ITGA9: variants seen among roughly 807,000 people sequenced by gnomAD.
ITGA9 encodes integrin subunit alpha 9.
Under a neutral mutation model 127.8 loss-of-function variants are expected in ITGA9, and 56 were observed. The ratio of observed to expected loss-of-function variants is 0.44; its 90% CI spans 0.35 to 0.55. The LOEUF (loss-of-function observed/expected upper bound fraction) is 0.55, where lower values mean the gene tolerates loss of function less well. ITGA9 is among the 20% of genes least tolerant of loss of function. The pLI, the probability that ITGA9 is intolerant of heterozygous loss-of-function variation, is 0.00. For missense variants in ITGA9, 1,196 were observed against 1,347.1 expected, an observed-to-expected ratio of 0.89 and a Z score of 1.76; for synonymous variants, 508 against 514.5, an observed-to-expected ratio of 0.99 and a Z score of 0.17.
chr3:37,560,024 C>T (rs1209018406), intron 15 of ITGA9, among the ~76,000 whole-genome samples: 1 of 152,154 alleles, frequency 6.6e-6, no homozygotes, highest in Non-Finnish European at 1.5e-5. Context: ...CATAGGTATA[C>T]ATGTGCCATG....
chr3:37,525,835 C>T (rs781201289), intron 12 of ITGA9, among the ~76,000 whole-genome samples, 191 bp from the exon 13 acceptor site: 4 of 152,174 alleles, frequency 2.6e-5, no homozygotes, highest in South Asian at 4.2e-4. Context: ...CAGTAGCCTG[C>T]GTAGGGATTG....
At chr3:37,501,404 T>C (rs947666518) in intron 5 of ITGA9, among the ~76,000 whole-genome samples, 1 of 152,226 alleles carries the variant, frequency 6.6e-6, no homozygotes, top group Non-Finnish European at 1.5e-5. Flanking sequence ...ATCACTGTTC[T>C]GGAATTTTAA....
chr3:37,609,869 T>C lies in ITGA9; in HGVS notation c.1690-19318T>C, dbSNP rs554179023. Among the ~76,000 whole-genome samples, 5 of 152,308 alleles carry C rather than the reference T, an allele frequency of 3.3e-5. No individual in the cohort carries two copies. The South Asian group carries it at 8.3e-4, about 25-fold the overall frequency. ...GAGACCCCCAGCATTCTCTTCAAGGTTGGGGAATTGGACCCTACATTTGAT... is the reference window on the plus strand; with the variant it reads ...GAGACCCCCAGCATTCTCTTCAAGGCTGGGGAATTGGACCCTACATTTGAT... On this transcript the variant is annotated intron_variant, in intron 15 of 27. Coordinates refer to ENST00000264741, the MANE Select transcript of ITGA9 (RefSeq NM_002207.3).
intron 17 of ITGA9, among the ~76,000 whole-genome samples, chr3:37,666,665 GA>G (rs553628341): frequency 6.6e-6 from 1 of 152,326 alleles, no homozygotes; most frequent in South Asian, 2.1e-4. Flanking sequence ...CCTAGTTCCA[GA>G]GCAAATATAT....
intron 8 of ITGA9, among the ~76,000 whole-genome samples, chr3:37,511,885 A>G (rs184197677): frequency 6.6e-6 from 1 of 152,322 alleles, no homozygotes; most frequent in African/African-American, 2.4e-5. Context: ...CAACAGTAAA[A>G]GAAAAGGCTT....
chr3:37,676,058 C>A (rs957378820), intron 17 of ITGA9, among the ~76,000 whole-genome samples: 3 of 152,146 alleles, frequency 2.0e-5, no homozygotes, highest in African/African-American at 7.2e-5. Context: ...TATTTACTTT[C>A]ATTTTTACCC....
intron 25 of ITGA9, among the ~76,000 whole-genome samples, chr3:37,783,066 G>A (rs777567140): frequency 2.6e-5 from 4 of 152,088 alleles, no homozygotes; most frequent in Non-Finnish European, 5.9e-5. Flanking sequence ...TTGAACCTGG[G>A]AGGTGGAGGT....
chr3:37,769,355 A>G (rs1451753098), intron 23 of ITGA9, among the ~76,000 whole-genome samples: 2 of 151,724 alleles, frequency 1.3e-5, no homozygotes, highest in Admixed American at 1.3e-4. Context: ...AAAAAAAAAA[A>G]AGCTAAAAAT....
intron 10 of ITGA9, 63 bp from the exon 11 acceptor site, chr3:37,519,197 A>T: frequency 8.1e-7 from 1 of 1,229,386 alleles, no homozygotes; most frequent in South Asian, 1.3e-5. Flanking sequence ...AACCAGAATT[A>T]GGGAAGCTGC....
chr3:37,612,026 C>G (rs1237466154), intron 15 of ITGA9, among the ~76,000 whole-genome samples: 2 of 151,930 alleles, frequency 1.3e-5, no homozygotes, highest in Non-Finnish European at 2.9e-5. Context: ...CAGCCCAGGC[C>G]CTGAACCTGT....
At position 37,799,820 on chromosome 3, in the gene ITGA9, G is replaced by A. The variant is rs1168233121; in HGVS notation, c.2890-4003G>A. ...GAAAAGTTGTTTAGAAAGGTGTAGGGGCTTAACCAAGGATCACCCAGCTCA... is the reference window on the plus strand; with the variant it reads ...GAAAAGTTGTTTAGAAAGGTGTAGGAGCTTAACCAAGGATCACCCAGCTCA... On this transcript the variant is annotated intron_variant, in intron 26 of 27. Transcript: ENST00000264741. This position sits in a 1 kb window ranked among gnomAD's most constrained non-coding sequence, Gnocchi z 4.0. Among the ~76,000 whole-genome samples, 2 of 152,162 alleles carry A rather than the reference G, an allele frequency of 1.3e-5. No individual in the cohort carries two copies. Among genetic ancestry groups the A allele is most frequent in the South Asian group, 2.1e-4 (1 of 4,822 alleles).
intron 15 of ITGA9, among the ~76,000 whole-genome samples, chr3:37,547,005 A>G (rs1222322820): frequency 6.6e-6 from 1 of 152,186 alleles, no homozygotes; most frequent in African/African-American, 2.4e-5. Context: ...CAGGGAAACG[A>G]TGGCAACAGT....
intron 15 of ITGA9, among the ~76,000 whole-genome samples, chr3:37,568,993 G>A (rs1575153109): frequency 6.6e-6 from 1 of 152,008 alleles, no homozygotes; most frequent in African/African-American, 2.4e-5. Flanking sequence ...GTATTAGTCC[G>A]TTTTCACACT....
chr3:37,686,818 CAG>C (rs1225613837), intron 18 of ITGA9, among the ~76,000 whole-genome samples: 1 of 152,148 alleles, frequency 6.6e-6, no homozygotes, highest in East Asian at 1.9e-4. Flanking sequence ...GGAAAAGAAA[CAG>C]AAACTACCCT....
intron 19 of ITGA9, among the ~76,000 whole-genome samples, 160 bp from the exon 20 acceptor site, chr3:37,736,744 T>C (rs902298616): frequency 3.3e-5 from 5 of 152,212 alleles, no homozygotes; most frequent in African/African-American, 4.8e-5. Flanking sequence ...GGTTTTACTG[T>C]TAAAGCTGTG....
chr3:37,697,798 G>A (rs751068405), intron 18 of ITGA9, among the ~76,000 whole-genome samples: 1 of 152,236 alleles, frequency 6.6e-6, no homozygotes, highest in African/African-American at 2.4e-5. Flanking sequence ...ATAAACATAC[G>A]TGTGCATGTT....
intron 16 of ITGA9, among the ~76,000 whole-genome samples, chr3:37,633,913 A>G (rs1176492327): frequency 3.3e-5 from 5 of 152,352 alleles, no homozygotes; most frequent in Non-Finnish European, 7.3e-5. Flanking sequence ...CTGAATGCAT[A>G]CTACCTTCAC....
At chr3:37,518,090 A>ATG (rs1553643675) in intron 10 of ITGA9, among the ~76,000 whole-genome samples, 4 of 50,996 alleles carry the variant, frequency 7.8e-5, no homozygotes, top group South Asian at 5.9e-4. Context: ...TTGAGAGTGT[A>ATG]CGCGTGTGTG....
At chr3:37,765,750 C>G (rs1696772591) in intron 23 of ITGA9, among the ~76,000 whole-genome samples, 3 of 152,244 alleles carry the variant, frequency 2.0e-5, no homozygotes, top group African/African-American at 7.2e-5. Flanking sequence ...CCCGGCTGTC[C>G]GTACAGAGTG....
Sources: allele counts gnomAD v4.1 joint callset (sites outside exome capture counted in the v4.1 genomes callset), GRCh38; gene constraint gnomAD v4.1.1; non-coding constraint Gnocchi (gnomAD v3.1); transcripts MANE v1.5; gene names NCBI Gene and HGNC (gene_info 2026-07-23, HGNC 2026-07-21).